The following SLC35D4 variants were observed in gnomAD, a reference collection of about 807,000 sequenced individuals.
SLC35D4 encodes UDP-N-acetylglucosamine transporter SLC35D4.
At chr18:23,386,501 C>T in the SLC35D4 span, among the ~76,000 whole-genome samples, 1 of 152,106 alleles carries the variant, frequency 6.6e-6, no homozygotes, top group Admixed American at 6.5e-5. Flanking sequence ...TGATTTCAAA[C>T]TTCTGGCCTC....
chr18:23,299,284 T>A, the SLC35D4 span, among the ~76,000 whole-genome samples: 10 of 152,174 alleles, frequency 6.6e-5, no homozygotes, highest in Admixed American at 5.9e-4. Context: ...GTGTTTAGCC[T>A]ATGATGGACA....
chr18:23,332,143 C>A, the SLC35D4 span, among the ~76,000 whole-genome samples: 21 of 152,084 alleles, frequency 1.4e-4, no homozygotes, highest in African/African-American at 4.6e-4. Context: ...GATCCTCTCA[C>A]CCTGGTCTTC....
chr18:23,322,106 C>G, the SLC35D4 span, among the ~76,000 whole-genome samples: 2 of 152,304 alleles, frequency 1.3e-5, no homozygotes, highest in African/African-American at 4.8e-5. Context: ...TCTGATTGTA[C>G]ATTTATTTTA....
the SLC35D4 span, among the ~76,000 whole-genome samples, chr18:23,398,251 G>A: frequency 4.1e-4 from 63 of 152,084 alleles, no homozygotes; most frequent in Non-Finnish European, 7.5e-4. Flanking sequence ...GGAAGCCTAT[G>A]AAAAAAAGCA....
the SLC35D4 span, among the ~76,000 whole-genome samples, chr18:23,275,617 CTGTG>C: frequency 0.021 from 2,973 of 141,582 alleles, 104 homozygotes; most frequent in African/African-American, 0.073. Context: ...CTGTGCTGTG[CTGTG>C]CTGTGCTGTG....
chr18:23,341,975 G>A, the SLC35D4 span, among the ~76,000 whole-genome samples: 2 of 135,914 alleles, frequency 1.5e-5, no homozygotes, highest in Non-Finnish European at 3.1e-5. Flanking sequence ...TGTCAAATAG[G>A]TAAACTCATA....
At chr18:23,344,576 A>C in the SLC35D4 span, among the ~76,000 whole-genome samples, 20 of 144,362 alleles carry the variant, frequency 1.4e-4, no homozygotes, top group Admixed American at 1.4e-3. Context: ...TTACCTTTTA[A>C]TTTTCTTTTT....
the SLC35D4 span, among the ~76,000 whole-genome samples, chr18:23,384,651 G>A: frequency 1.2e-4 from 19 of 152,356 alleles, no homozygotes; most frequent in African/African-American, 4.1e-4. Flanking sequence ...GGCACCCTGT[G>A]TAAAACTCTG....
chr18:23,327,194 A>C, the SLC35D4 span, among the ~76,000 whole-genome samples: 1 of 152,250 alleles, frequency 6.6e-6, no homozygotes, highest in African/African-American at 2.4e-5. Context: ...GAAATAACTA[A>C]GATCAGAGCA....
At chr18:23,420,477 G>A in the SLC35D4 span, among the ~76,000 whole-genome samples, 4 of 151,888 alleles carry the variant, frequency 2.6e-5, no homozygotes, top group Non-Finnish European at 4.4e-5. Context: ...AGGCTGAGGT[G>A]ATCCTCCCAC....
the SLC35D4 span, among the ~76,000 whole-genome samples, chr18:23,264,515 A>G: frequency 2.0e-5 from 3 of 151,904 alleles, no homozygotes; most frequent in African/African-American, 7.3e-5. Flanking sequence ...GGCGCGCGCC[A>G]CTACGCCCGG....
chr18:23,368,198 C>A, the SLC35D4 span, among the ~76,000 whole-genome samples: 1 of 152,216 alleles, frequency 6.6e-6, no homozygotes, highest in Non-Finnish European at 1.5e-5. Flanking sequence ...CTCCCGGTTG[C>A]CAATGCTCCC....
the SLC35D4 span, among the ~76,000 whole-genome samples, chr18:23,379,971 C>T: frequency 6.6e-6 from 1 of 152,080 alleles, no homozygotes; most frequent in South Asian, 2.1e-4. Flanking sequence ...GTGGCGCACA[C>T]CTGTAATCTC....
chr18:23,283,808 CA>C, the SLC35D4 span, among the ~76,000 whole-genome samples: 13,962 of 95,148 alleles, frequency 0.15, 1,244 homozygotes, highest in African/African-American at 0.34. Flanking sequence ...GACTCCATCT[CA>C]AAAAAAAAAA....
At chr18:23,263,602 G>T in the SLC35D4 span, among the ~76,000 whole-genome samples, 1 of 152,260 alleles carries the variant, frequency 6.6e-6, no homozygotes, top group African/African-American at 2.4e-5. Flanking sequence ...CGTGGTGCAT[G>T]TGTAGATTTT....
chr18:23,385,469 AG>A, the SLC35D4 span, among the ~76,000 whole-genome samples: 5 of 152,368 alleles, frequency 3.3e-5, no homozygotes, highest in East Asian at 9.6e-4. Flanking sequence ...TACAAAGTGA[AG>A]TGAAGGAATG....
the SLC35D4 span, among the ~76,000 whole-genome samples, chr18:23,324,843 G>C: frequency 1.3e-5 from 2 of 152,170 alleles, no homozygotes; most frequent in African/African-American, 4.8e-5. Context: ...TGTGGTTAAA[G>C]GCCACTGCTA....
the SLC35D4 span, among the ~76,000 whole-genome samples, chr18:23,275,106 TTG>T: frequency 6.7e-6 from 1 of 149,434 alleles, no homozygotes; most frequent in East Asian, 2.0e-4. Context: ...TTGTGTGTTT[TTG>T]TGTGTGCATG....
the SLC35D4 span, among the ~76,000 whole-genome samples, chr18:23,418,514 T>A: frequency 2.0e-5 from 3 of 151,346 alleles, no homozygotes; most frequent in Admixed American, 2.0e-4. Context: ...CATGCTGGGC[T>A]CATTTTTGTA....
Sources: allele counts gnomAD v4.1 joint callset (sites outside exome capture counted in the v4.1 genomes callset), GRCh38; gene constraint gnomAD v4.1.1; transcripts MANE v1.5; gene names NCBI Gene and HGNC (gene_info 2026-07-23, HGNC 2026-07-21).